The following CLIP2 variants were observed in gnomAD, a reference collection of about 807,000 sequenced individuals.
The protein encoded by CLIP2 is CAP-Gly domain containing linker protein 2, also known as CAP-Gly domain-containing linker protein 2.
CLIP2 carries 41 observed loss-of-function variants against 111.7 expected under a neutral mutation model. The observed-to-expected ratio is 0.37, with a 90% confidence interval of 0.29 to 0.48. The LOEUF is 0.48. CLIP2 is among the 20% of genes least tolerant of loss of function. The pLI, the probability that CLIP2 is intolerant of heterozygous loss-of-function variation, is 0.99. For synonymous variants in CLIP2, 660 were observed against 644.2 expected, an observed-to-expected ratio of 1.02 and a Z score of -0.37; for missense variants, 1,160 against 1,422.1, an observed-to-expected ratio of 0.82 and a Z score of 2.96.
At chr7:74,399,880 C>T (rs937811960) in intron 14 of CLIP2, among the ~76,000 whole-genome samples, 18 of 150,728 alleles carry the variant, frequency 1.2e-4, no homozygotes, top group African/African-American at 3.6e-4. Flanking sequence ...CAAGGCTGGG[C>T]GCAGTGGCTC....
intron 8 of CLIP2, 112 bp from the exon 9 acceptor site, chr7:74,372,820 C>A: frequency 2.9e-6 from 2 of 679,872 alleles, no homozygotes; most frequent in East Asian, 2.8e-5. Context: ...GAAGATGACG[C>A]CTCCTCTCTC....
At chr7:74,356,960 G>A (rs1419208797) in intron 5 of CLIP2, among the ~76,000 whole-genome samples, 1 of 152,142 alleles carries the variant, frequency 6.6e-6, no homozygotes, top group Non-Finnish European at 1.5e-5. Flanking sequence ...AGGGCATTCT[G>A]TCCAAACCCA....
At chr7:74,389,339 C>T (rs1791210629) in intron 13 of CLIP2, 80 bp downstream of exon 13, 1 of 1,403,252 alleles carries the variant, frequency 7.1e-7, no homozygotes. Flanking sequence ...CTCATGTTAT[C>T]TTGGGGCAGA....
intron 4 of CLIP2, among the ~76,000 whole-genome samples, chr7:74,354,904 C>T (rs1554308212): frequency 6.6e-6 from 1 of 152,188 alleles, no homozygotes; most frequent in Non-Finnish European, 1.5e-5. Context: ...AGAGGCAGGC[C>T]TCACAGATGG....
In CLIP2 at chr7:74,375,312, G is replaced by A. The variant is rs139290100; in HGVS notation, c.1486-575G>A. ...GCCTATAATCCCAACACTTTGGGACGCCAGGGCGGGTGGATCACTTGAGGC... is the reference window on the plus strand; with the variant it reads ...GCCTATAATCCCAACACTTTGGGACACCAGGGCGGGTGGATCACTTGAGGC... On this transcript the variant is annotated intron_variant, in intron 9 of 16. Coordinates refer to ENST00000223398, the MANE Select transcript of CLIP2 (RefSeq NM_003388.5). 1.8e-3 allele frequency among the ~76,000 whole-genome samples: 271 copies of A among 151,626 alleles called. 3 individuals carry two copies. Among genetic ancestry groups the A allele is most frequent in the Middle Eastern group, 3.4e-3 (1 of 290 alleles).
intron 3 of CLIP2, among the ~76,000 whole-genome samples, chr7:74,340,166 C>T (rs772194663): frequency 6.6e-6 from 1 of 151,998 alleles, no homozygotes; most frequent in Non-Finnish European, 1.5e-5. Flanking sequence ...GAGGCCAAGT[C>T]GGGCAAATCA....
intron 16 of CLIP2, among the ~76,000 whole-genome samples, chr7:74,403,492 C>T (rs1211655325): frequency 2.0e-5 from 3 of 152,210 alleles, no homozygotes; most frequent in Non-Finnish European, 2.9e-5. Flanking sequence ...TCGCTTGAAC[C>T]AGGGAGTCGA....
chr7:74,385,986 C>T (rs1388846214), intron 11 of CLIP2, among the ~76,000 whole-genome samples: 2 of 151,706 alleles, frequency 1.3e-5, no homozygotes, highest in Admixed American at 6.6e-5. Context: ...AGGTGATCCA[C>T]CTGCCTTGGC....
chr7:74,317,235 A>G (rs1049129431), intron 1 of CLIP2, among the ~76,000 whole-genome samples: 4 of 152,102 alleles, frequency 2.6e-5, no homozygotes, highest in African/African-American at 9.7e-5. Flanking sequence ...AGGATATAAG[A>G]GGGTAAGGCA....
intron 2 of CLIP2, among the ~76,000 whole-genome samples, chr7:74,322,471 G>A (rs1174215675): frequency 6.6e-6 from 1 of 151,942 alleles, no homozygotes; most frequent in Admixed American, 6.6e-5. Flanking sequence ...AGCCTGGCAT[G>A]GTGGTGGATG....
intron 8 of CLIP2, among the ~76,000 whole-genome samples, chr7:74,370,731 G>T (rs1427120306): frequency 6.6e-6 from 1 of 151,912 alleles, no homozygotes; most frequent in Non-Finnish European, 1.5e-5. Context: ...GTACACGCTA[G>T]TTCCCCGGCC....
Position 74,376,364 on chromosome 7 carries a change from G to A in CLIP2, c.1963G>A (p.Gly655Ser), listed in dbSNP as rs1790785175. 1.2e-6 allele frequency: 2 copies of A among 1,614,036 alleles called. No individual in the cohort carries two copies. Among genetic ancestry groups the A allele is most frequent in the Non-Finnish European group, 8.5e-7 (1 of 1,180,032 alleles). Residue 655 changes from glycine to serine, a missense_variant, in exon 10 of 17, where the codon GGC becomes AGC. By Grantham distance (56) the Gly-to-Ser change is moderately conservative. Transcript: ENST00000223398. This position sits in a 1 kb window ranked among gnomAD's most constrained non-coding sequence, Gnocchi z 7.1. ...CGGCGAGCTGAAGGCAGTGATGGAG[G>A]GCATCAAGATGGAGCACCAGCTGGA... ...EIGELKAVME[G>S]IKMEHQLELG...
chr7:74,386,436 AGCTCCTGTGGGAGG>A (rs1554314793), intron 11 of CLIP2, 71 bp from the exon 12 acceptor site: 30 of 1,074,058 alleles, frequency 2.8e-5, no homozygotes, highest in Non-Finnish European at 1.9e-5. Context: ...CCCGTCACAG[AGCTCCTGTGGGAGG>A]GCCATGGCCC....
intron 13 of CLIP2, 49 bp downstream of exon 13, chr7:74,389,308 T>TG (rs1791209669): frequency 6.7e-7 from 1 of 1,491,860 alleles, no homozygotes; most frequent in Non-Finnish European, 8.9e-7. Context: ...CCCTGGCCCT[T>TG]GCTCCTCTTC....
intron 3 of CLIP2, among the ~76,000 whole-genome samples, chr7:74,352,087 A>G (rs1790020328): frequency 6.6e-6 from 1 of 152,122 alleles, no homozygotes; most frequent in Non-Finnish European, 1.5e-5. Context: ...GCATCTTGGC[A>G]GGAGATTTAG....
chr7:74,336,554 C>T (rs1396975868), intron 2 of CLIP2, among the ~76,000 whole-genome samples: 2 of 152,036 alleles, frequency 1.3e-5, no homozygotes, highest in Non-Finnish European at 2.9e-5. Context: ...GACTTATTCA[C>T]TACCACCACA....
At chr7:74,295,633 G>C (rs1268513404) in intron 1 of CLIP2, among the ~76,000 whole-genome samples, 1 of 152,204 alleles carries the variant, frequency 6.6e-6, no homozygotes, top group Non-Finnish European at 1.5e-5. Context: ...AAAGGGGCTT[G>C]TGTGTTCTTC....
chr7:74,397,264 G>A, intron 14 of CLIP2, 31 bp downstream of exon 14: 1 of 1,606,608 alleles, frequency 6.2e-7, no homozygotes, highest in Non-Finnish European at 8.5e-7. Flanking sequence ...CTAGGGGCAG[G>A]GGCACTAGTC....
In CLIP2 at chr7:74,356,455, C is replaced by T. The variant is rs544552891; in HGVS notation, c.849C>T (p.His283=). Reference sequence around the variant, plus strand: ...AGTTTGGTCTCTTCGCGCCCATCCACAAAGTGATCCGTATCGGCTTCCCAT... The same window carrying T: ...AGTTTGGTCTCTTCGCGCCCATCCATAAAGTGATCCGTATCGGCTTCCCAT... ...PPKFGLFAPI[H]KVIRIGFPST... The change falls in exon 5 of 17, where the codon CAC becomes CAT. Residue 283 remains histidine, a synonymous_variant. Transcript: ENST00000223398. The T allele has an allele frequency of 6.8e-6, 11 of 1,614,244 alleles. No homozygotes were observed. The highest frequency in any genetic ancestry group is 9.3e-6 in the Non-Finnish European group (11 of 1,180,046).
Sources: gnomAD v4.1 joint callset for allele counts (sites outside exome capture counted in the v4.1 genomes callset) on GRCh38, gnomAD v4.1.1 for gene constraint, Gnocchi (gnomAD v3.1) non-coding constraint, MANE v1.5 for transcripts, NCBI Gene and HGNC (gene_info 2026-07-23, HGNC 2026-07-21) for gene names.